Variants in OPHN1 observed in about 807,000 individuals in gnomAD.
OPHN1 encodes oligophrenin 1.
In OPHN1, 11 loss-of-function variants were observed where a neutral mutation model predicts 60.7. The observed-to-expected ratio is 0.18, with a 90% CI of 0.11 to 0.30. OPHN1 has a LOEUF of 0.30. Among genes scored for constraint, OPHN1 ranks in the 10% least tolerant of loss-of-function variants. The probability of loss-of-function intolerance (pLI) is 1.00; values close to 1 mark genes in which losing one functional copy is unlikely to be tolerated. For missense variants in OPHN1, 449 were observed against 611.0 expected (o/e 0.73, Z 2.80); for synonymous variants, 226 against 222.6 (o/e 1.02, Z -0.14).
At chrX:68,412,862 T>A (rs2078775827) in intron 2 of OPHN1, among the ~76,000 whole-genome samples, 1 of 111,423 alleles carries the variant, frequency 9.0e-6, no homozygotes. Context: ...CTAAATATGG[T>A]TTATCATGTG....
At chrX:68,249,959 G>C (rs1376571492) in intron 5 of OPHN1, among the ~76,000 whole-genome samples, 1 of 111,898 alleles carries the variant, frequency 8.9e-6, no homozygotes, top group Non-Finnish European at 1.9e-5. Flanking sequence ...AAACTATAAT[G>C]TCAGATTCAC....
intron 2 of OPHN1, among the ~76,000 whole-genome samples, chrX:68,348,810 G>A (rs993679638): frequency 9.0e-6 from 1 of 111,725 alleles, no homozygotes; most frequent in African/African-American, 3.2e-5. Flanking sequence ...CAAGGATAAG[G>A]AGATGTTCAC....
intron 2 of OPHN1, among the ~76,000 whole-genome samples, chrX:68,396,708 G>A (rs984094990): frequency 3.6e-5 from 4 of 110,952 alleles, no homozygotes; most frequent in Non-Finnish European, 7.6e-5. Flanking sequence ...CCAGCTACCC[G>A]GGAGGCTGAG....
chrX:68,135,391 G>C (rs1453220585), intron 15 of OPHN1, among the ~76,000 whole-genome samples: 1 of 112,069 alleles, frequency 8.9e-6, no homozygotes, highest in Admixed American at 9.5e-5. Flanking sequence ...TATTAAAAAT[G>C]ATGAGACCAA....
intron 16 of OPHN1, among the ~76,000 whole-genome samples, chrX:68,115,698 AC>A (rs761579121): frequency 1.8e-5 from 2 of 111,862 alleles, no homozygotes; most frequent in Admixed American, 1.9e-4. Context: ...TTAAGAAGGA[AC>A]TGGGGAGTTA....
At chrX:68,244,956 C>T (rs2077798219) in intron 5 of OPHN1, among the ~76,000 whole-genome samples, 1 of 111,387 alleles carries the variant, frequency 9.0e-6, no homozygotes, top group Non-Finnish European at 1.9e-5. Flanking sequence ...CTTCTAACCT[C>T]GACAATATAC....
At chrX:68,365,214 C>T (rs1027164888) in intron 2 of OPHN1, among the ~76,000 whole-genome samples, 1 of 109,776 alleles carries the variant, frequency 9.1e-6, no homozygotes, top group Non-Finnish European at 1.9e-5. Context: ...AAGAGTCATT[C>T]AACAAGGCCT....
intron 2 of OPHN1, among the ~76,000 whole-genome samples, chrX:68,412,666 T>A (rs1366237364): frequency 8.9e-6 from 1 of 111,824 alleles, no homozygotes; most frequent in African/African-American, 3.2e-5. Context: ...TATCACAATT[T>A]AAAACAATTA....
chrX:68,090,086 A>C (rs971823097), intron 19 of OPHN1, among the ~76,000 whole-genome samples: 16 of 111,978 alleles, frequency 1.4e-4, no homozygotes, highest in African/African-American at 5.2e-4. Flanking sequence ...GACTAATGAA[A>C]ATATCCTTAC....
chrX:68,157,239 T>C (rs575891690), intron 15 of OPHN1, among the ~76,000 whole-genome samples: 1 of 112,028 alleles, frequency 8.9e-6, no homozygotes, highest in East Asian at 2.8e-4. Context: ...TCCATCATAA[T>C]AGAAAGTTGT....
At chrX:68,258,936 T>C (rs2077879836) in intron 5 of OPHN1, among the ~76,000 whole-genome samples, 1 of 112,123 alleles carries the variant, frequency 8.9e-6, no homozygotes, top group Admixed American at 9.5e-5. Flanking sequence ...AATAAAACAC[T>C]TTTATACTGC....
intron 2 of OPHN1, among the ~76,000 whole-genome samples, chrX:68,394,466 C>T (rs2078672854): frequency 8.9e-6 from 1 of 111,788 alleles, no homozygotes; most frequent in Non-Finnish European, 1.9e-5. Context: ...CTTTTAGAAT[C>T]AGTTTATCTA....
chrX:68,141,603 T>G (rs140402511), intron 15 of OPHN1, among the ~76,000 whole-genome samples: 2,726 of 111,800 alleles, frequency 0.024, 85 homozygotes, highest in African/African-American at 0.085. Flanking sequence ...CAAGTCTTTT[T>G]GAATCAGCTA....
chrX:68,224,833 G>A (rs1199591747), intron 6 of OPHN1, among the ~76,000 whole-genome samples: 1 of 112,452 alleles, frequency 8.9e-6, no homozygotes, highest in Non-Finnish European at 1.9e-5. Context: ...GGTGATTTCT[G>A]CATTTCTAAC....
At chrX:68,084,533 T>C (rs1158466967) in intron 19 of OPHN1, among the ~76,000 whole-genome samples, 1 of 110,633 alleles carries the variant, frequency 9.0e-6, no homozygotes, top group African/African-American at 3.3e-5. Context: ...ATGAACTTAA[T>C]TGCTCTTCAA....
chrX:68,429,830 G>A (rs2078877083), intron 2 of OPHN1, among the ~76,000 whole-genome samples: 2 of 111,529 alleles, frequency 1.8e-5, no homozygotes, highest in Admixed American at 9.5e-5. Context: ...GAGGCCATGA[G>A]TTCGATACCA....
At chrX:68,311,277 G>A (rs747622990) in intron 2 of OPHN1, among the ~76,000 whole-genome samples, 18 of 110,403 alleles carry the variant, frequency 1.6e-4, no homozygotes, top group African/African-American at 4.9e-4. Flanking sequence ...CCCTGTCCCC[G>A]CTCCCAAAAA....
At chrX:68,305,155 G>C (rs778428451) in intron 2 of OPHN1, among the ~76,000 whole-genome samples, 1 of 111,379 alleles carries the variant, frequency 9.0e-6, no homozygotes, top group East Asian at 2.8e-4. Flanking sequence ...GAGGCTGGAG[G>C]ATGGCTTGAG....
intron 15 of OPHN1, among the ~76,000 whole-genome samples, chrX:68,143,041 G>C (rs2077249859): frequency 9.0e-6 from 1 of 111,049 alleles, no homozygotes; most frequent in Non-Finnish European, 1.9e-5. Context: ...CCTGGATTCA[G>C]ACTTGAAAAA....
Sources: gnomAD v4.1 joint callset for allele counts (sites outside exome capture counted in the v4.1 genomes callset) on GRCh38, gnomAD v4.1.1 for gene constraint, MANE v1.5 for transcripts, NCBI Gene and HGNC (gene_info 2026-07-23, HGNC 2026-07-21) for gene names.